The following RAPGEF4 variants were observed in gnomAD, a reference collection of about 807,000 sequenced individuals.
RAPGEF4 encodes RAP guanine-nucleotide-exchange factor (GEF) 4.
RAPGEF4 carries 66 observed loss-of-function variants against 147.9 expected under a neutral mutation model. The ratio of observed to expected loss-of-function variants is 0.45; its 90% CI spans 0.37 to 0.55. The LOEUF is 0.55. Among genes scored for constraint, RAPGEF4 ranks in the 20% least tolerant of loss-of-function variants. RAPGEF4 has a pLI of 0.00. For synonymous variants in RAPGEF4, 419 were observed against 442.7 expected (o/e 0.95, Z 0.67); for missense variants, 1,071 against 1,257.3 (o/e 0.85, Z 2.24).
At chr2:172,838,441 GAT>G (rs1691211866) in intron 4 of RAPGEF4, among the ~76,000 whole-genome samples, 1 of 152,074 alleles carries the variant, frequency 6.6e-6, no homozygotes, top group South Asian at 2.1e-4. Context: ...AATGAAGTAA[GAT>G]AATATTAAAT....
intron 26 of RAPGEF4, among the ~76,000 whole-genome samples, chr2:173,033,431 A>G (rs1697383963): frequency 6.6e-6 from 1 of 152,220 alleles, no homozygotes; most frequent in South Asian, 2.1e-4. Flanking sequence ...ACTGAGAAAA[A>G]TATCAGTAAA....
intron 27 of RAPGEF4, among the ~76,000 whole-genome samples, chr2:173,035,541 G>A (rs1247393685): frequency 6.6e-6 from 1 of 150,818 alleles, no homozygotes; most frequent in African/African-American, 2.4e-5. Context: ...GATCTCACTT[G>A]GGGTCTCACT....
chr2:172,812,419 G>A (rs1688111468), intron 3 of RAPGEF4, among the ~76,000 whole-genome samples: 1 of 152,164 alleles, frequency 6.6e-6, no homozygotes, highest in Admixed American at 6.5e-5. Flanking sequence ...CATGAGTCAG[G>A]TTGAAATCTC....
At position 173,042,008 on chromosome 2, in the gene RAPGEF4, G is replaced by A. The variant is rs1298855523; in HGVS notation, c.2853+5316G>A. Among the ~76,000 whole-genome samples, 4 of 152,018 alleles carry A rather than the reference G, an allele frequency of 2.6e-5. No individual in the cohort carries two copies. Among genetic ancestry groups the A allele is most frequent in the South Asian group, 2.1e-4 (1 of 4,810 alleles). On this transcript the variant is annotated intron_variant, in intron 29 of 30. Coordinates refer to ENST00000397081, the MANE Select transcript of RAPGEF4 (RefSeq NM_007023.4). The surrounding 1 kb of genome is among the most constrained non-coding windows in gnomAD (Gnocchi z 4.2). ...CTGTGCCTGACCTCCGTGTAACACC[G>A]TTCTGCGACACCCAGCACTCTCCAA... is the stretch of plus-strand genomic sequence containing the variant.
At chr2:172,835,703 CTTA>C (rs1690847778) in intron 4 of RAPGEF4, among the ~76,000 whole-genome samples, 2 of 152,082 alleles carry the variant, frequency 1.3e-5, no homozygotes. Context: ...GTTCTTGATA[CTTA>C]TGATAATAAA....
chr2:172,960,705 T>G, intron 6 of RAPGEF4, 55 bp from the exon 7 acceptor site: 1 of 1,320,342 alleles, frequency 7.6e-7, no homozygotes, highest in East Asian at 2.4e-5. Context: ...ACCCATAATT[T>G]TCTTCAGTGA....
intron 6 of RAPGEF4, among the ~76,000 whole-genome samples, chr2:172,950,369 A>G (rs1466889302): frequency 1.3e-5 from 2 of 152,212 alleles, no homozygotes; most frequent in African/African-American, 4.8e-5. Flanking sequence ...GAATAAGGAT[A>G]AGGATTGATC....
intron 1 of RAPGEF4, among the ~76,000 whole-genome samples, chr2:172,783,540 C>G (rs1684886802): frequency 1.3e-5 from 2 of 152,094 alleles, no homozygotes. Context: ...TCAATCTCAG[C>G]TGTGAGTGAA....
chr2:172,859,279 C>T (rs1693763075), intron 4 of RAPGEF4, among the ~76,000 whole-genome samples: 1 of 152,186 alleles, frequency 6.6e-6, no homozygotes, highest in African/African-American at 2.4e-5. Context: ...CTTCAGTAAT[C>T]ATTGTAAATC....
chr2:172,901,496 T>G (rs1191299095), intron 4 of RAPGEF4, among the ~76,000 whole-genome samples: 1 of 152,258 alleles, frequency 6.6e-6, no homozygotes, highest in African/African-American at 2.4e-5. Flanking sequence ...TTTGTAGGTC[T>G]TCATGCATTA....
chr2:173,004,043 T>C (rs1325321449), intron 17 of RAPGEF4, among the ~76,000 whole-genome samples: 1 of 152,192 alleles, frequency 6.6e-6, no homozygotes, highest in African/African-American at 2.4e-5. Flanking sequence ...TCTAAATCAA[T>C]AAACTAGAAT....
At chr2:172,775,178 T>C (rs940129158) in intron 1 of RAPGEF4, among the ~76,000 whole-genome samples, 1 of 152,186 alleles carries the variant, frequency 6.6e-6, no homozygotes, top group Non-Finnish European at 1.5e-5. Context: ...CATACATGAC[T>C]ATAACAAGAC....
chr2:172,873,599 T>A (rs1695501937), intron 4 of RAPGEF4, among the ~76,000 whole-genome samples: 1 of 152,076 alleles, frequency 6.6e-6, no homozygotes, highest in African/African-American at 2.4e-5. Context: ...TTGTTGCCGT[T>A]GACTTTAAAG....
intron 3 of RAPGEF4, among the ~76,000 whole-genome samples, chr2:172,812,696 T>C (rs1321864963): frequency 6.6e-6 from 1 of 152,244 alleles, no homozygotes; most frequent in African/African-American, 2.4e-5. Context: ...ATGTGGATGA[T>C]GTCAGTGGTA....
Position 172,845,203 on chromosome 2 carries a change from G to A in RAPGEF4, c.444+30778G>A, listed in dbSNP as rs188654056. Among the ~76,000 whole-genome samples, 31 of 152,300 alleles carry A rather than the reference G, an allele frequency of 2.0e-4. No individual in the cohort carries two copies. In the East Asian group the frequency reaches 6.0e-3, roughly 29 times the overall value. The stretch of plus-strand genomic sequence containing the variant: ...GGTTCTTTGAGTTATGTGGGGACAG[G>A]GAGTCCTTGAGCTTCATGGACCTAT... On this transcript the variant is annotated intron_variant, in intron 4 of 30. Transcript: ENST00000397081.
chr2:172,917,394 C>T, intron 4 of RAPGEF4: 2 of 476,766 alleles, frequency 4.2e-6, no homozygotes, highest in African/African-American at 1.9e-5. Context: ...GAAGCTGATT[C>T]AGTGCCATTC....
chr2:172,882,799 T>G (rs1696767776), intron 4 of RAPGEF4, among the ~76,000 whole-genome samples: 1 of 150,326 alleles, frequency 6.7e-6, no homozygotes, highest in African/African-American at 2.4e-5. Context: ...CTAGCAAACA[T>G]TATCATTATC....
intron 3 of RAPGEF4, among the ~76,000 whole-genome samples, chr2:172,804,784 A>T (rs994549860): frequency 7.9e-5 from 12 of 152,270 alleles, no homozygotes; most frequent in African/African-American, 2.6e-4. Flanking sequence ...ATTATATATT[A>T]AAAAAAGTCA....
chr2:172,771,719 A>G (rs1425285038), intron 1 of RAPGEF4, among the ~76,000 whole-genome samples: 2 of 152,096 alleles, frequency 1.3e-5, no homozygotes, highest in Non-Finnish European at 2.9e-5. Flanking sequence ...AGCTAGTATT[A>G]CAGATGTACA....
Sources: allele counts gnomAD v4.1 joint callset (sites outside exome capture counted in the v4.1 genomes callset), GRCh38; gene constraint gnomAD v4.1.1; non-coding constraint Gnocchi (gnomAD v3.1); transcripts MANE v1.5; gene names NCBI Gene and HGNC (gene_info 2026-07-23, HGNC 2026-07-21).